Variants in PDIA5 observed in about 807,000 individuals in gnomAD.
The protein encoded by PDIA5 is protein disulfide isomerase family A member 5.
In PDIA5, 58 loss-of-function variants were observed where a neutral mutation model predicts 77.6. The observed-to-expected ratio is 0.75, with a 90% confidence interval of 0.61 to 0.93. The LOEUF (loss-of-function observed/expected upper bound fraction) is 0.93, where lower values mean the gene tolerates loss of function less well. PDIA5 is among the 40% of genes least tolerant of loss of function. The pLI, the probability that PDIA5 is intolerant of heterozygous loss-of-function variation, is 0.00. For synonymous variants in PDIA5, 250 were observed against 252.1 expected, an observed-to-expected ratio of 0.99 and a Z score of 0.08; for missense variants, 630 against 647.7, an observed-to-expected ratio of 0.97 and a Z score of 0.30.
At chr3:123,073,147 G>A (rs1933768536) in intron 1 of PDIA5, among the ~76,000 whole-genome samples, 1 of 152,224 alleles carries the variant, frequency 6.6e-6, no homozygotes, top group African/African-American at 2.4e-5. Context: ...AGTTTGCAAA[G>A]CATTTCCACG....
chr3:123,160,110 C>T (rs79335569), intron 15 of PDIA5, among the ~76,000 whole-genome samples: 528 of 152,308 alleles, frequency 3.5e-3, no homozygotes, highest in African/African-American at 0.012. Context: ...TCAAGGTCGA[C>T]GTTGTCCCCC....
At chr3:123,133,832 ACT>A (rs1935427283) in intron 11 of PDIA5, among the ~76,000 whole-genome samples, 1 of 152,170 alleles carries the variant, frequency 6.6e-6, no homozygotes, top group South Asian at 2.1e-4. Flanking sequence ...ATTTTTTATG[ACT>A]CTATGCTAAT....
rs1028309962 is a variant in PDIA5 at position 123,140,640 on chromosome 3, G to T, written c.911-4882G>T. Among the ~76,000 whole-genome samples, 9 of 152,200 alleles carry T rather than the reference G, an allele frequency of 5.9e-5. No homozygotes were observed. In the South Asian group the frequency reaches 6.2e-4, roughly 11 times the overall value. ...CTGGGAGGAAGAGGTGGCAGGTGGT[G>T]ATGGCCCTGGGGGATTTGTCACTTC... On this transcript the variant is annotated intron_variant, in intron 11 of 16. Coordinates refer to ENST00000316218, the MANE Select transcript of PDIA5 (RefSeq NM_006810.4).
intron 11 of PDIA5, among the ~76,000 whole-genome samples, chr3:123,144,028 G>C (rs550485642): frequency 6.6e-6 from 1 of 152,158 alleles, no homozygotes; most frequent in African/African-American, 2.4e-5. Context: ...AGCTGAGGAA[G>C]CCAGGTACAG....
chr3:123,150,648 G>GTC lies in PDIA5; in HGVS notation c.1273+284_1273+285insTC, dbSNP rs1935871614. Among the ~76,000 whole-genome samples the GTC allele has an allele frequency of 5.9e-5, 9 of 151,966 alleles. No individual in the cohort carries two copies. In the South Asian group the frequency reaches 1.9e-3, roughly 32 times the overall value. On this transcript the variant is annotated intron_variant, in intron 14 of 16. Transcript: ENST00000316218. ...TGTGCTCGTCCCCTCTTGTCCCTGG[G>GTC]CTCCTCCATGCCCCTGTCCCCTACC...
At chr3:123,071,395 G>A (rs1473132754) in intron 1 of PDIA5, among the ~76,000 whole-genome samples, 1 of 152,166 alleles carries the variant, frequency 6.6e-6, no homozygotes, top group Non-Finnish European at 1.5e-5. Context: ...GACAGTGGGT[G>A]GAGGTGCAGG....
At chr3:123,081,470 C>G (rs1302903974) in intron 1 of PDIA5, among the ~76,000 whole-genome samples, 1 of 152,182 alleles carries the variant, frequency 6.6e-6, no homozygotes, top group Admixed American at 6.5e-5. Flanking sequence ...TCCTCTTTTC[C>G]CTGAGTCCCT....
chr3:123,122,479 G>T (rs1935142352), intron 8 of PDIA5, among the ~76,000 whole-genome samples: 2 of 152,136 alleles, frequency 1.3e-5, no homozygotes, highest in South Asian at 2.1e-4. Flanking sequence ...AGCATTTATT[G>T]TGTCCTTGCT....
chr3:123,152,258 G>A (rs1935932097), intron 14 of PDIA5, among the ~76,000 whole-genome samples: 1 of 152,182 alleles, frequency 6.6e-6, no homozygotes, highest in Admixed American at 6.5e-5. Flanking sequence ...CAGGGTACAA[G>A]GGAGGGAGAC....
chr3:123,068,647 C>A (rs1421737876), intron 1 of PDIA5, among the ~76,000 whole-genome samples: 1 of 152,160 alleles, frequency 6.6e-6, no homozygotes, highest in Non-Finnish European at 1.5e-5. Flanking sequence ...AAACAAACGG[C>A]TTGAGAATCT....
chr3:123,119,294 G>A (rs1033751689), intron 8 of PDIA5, among the ~76,000 whole-genome samples: 2 of 152,030 alleles, frequency 1.3e-5, no homozygotes, highest in Non-Finnish European at 2.9e-5. Flanking sequence ...CTGGGCCCAG[G>A]TCTAGAAATA....
At chr3:123,093,387 C>T (rs946764843) in intron 3 of PDIA5, among the ~76,000 whole-genome samples, 6 of 152,118 alleles carry the variant, frequency 3.9e-5, no homozygotes, top group African/African-American at 7.2e-5. Context: ...CATAGTTGGT[C>T]CAAAAGTGTG....
intron 15 of PDIA5, among the ~76,000 whole-genome samples, chr3:123,155,609 G>A (rs965309148): frequency 4.6e-5 from 7 of 152,228 alleles, no homozygotes; most frequent in Non-Finnish European, 1.0e-4. Flanking sequence ...AGGGCTTGTG[G>A]GGCAGGGAAA....
rs963931780 is a variant in PDIA5 at position 123,146,217 on chromosome 3, C to T, written c.1100C>T (p.Pro367Leu). 6.2e-7 allele frequency: 1 copy of T among 1,613,984 alleles called. No homozygotes were observed. Among genetic ancestry groups the T allele is most frequent in the African/African-American group, 1.3e-5 (1 of 74,930 alleles). Reference sequence around the variant, plus strand: ...AAGAATGGAGAGAAATACGCAGTGCCTGTGCTCAGGACAAAGAAGAAGTTT... The same window carrying T: ...AAGAATGGAGAGAAATACGCAGTGCTTGTGCTCAGGACAAAGAAGAAGTTT... The part of the protein sequence containing the change: ...YFKNGEKYAV[P>L]VLRTKKKFLE... The change falls in exon 13 of 17, where the codon CCT (proline) becomes CTT (leucine). Residue 367 changes from proline to leucine, a missense_variant. By Grantham distance (98) the Pro-to-Leu change is moderately conservative. Coordinates refer to ENST00000316218, the MANE Select transcript of PDIA5 (RefSeq NM_006810.4).
intron 6 of PDIA5, among the ~76,000 whole-genome samples, chr3:123,109,600 C>T (rs1934816585): frequency 6.6e-6 from 1 of 151,778 alleles, no homozygotes; most frequent in South Asian, 2.1e-4. Flanking sequence ...TGGATATCCA[C>T]AAAAATTTAA....
chr3:123,151,208 C>G (rs1295700728), intron 14 of PDIA5, among the ~76,000 whole-genome samples: 1 of 152,168 alleles, frequency 6.6e-6, no homozygotes, highest in African/African-American at 2.4e-5. Context: ...CTTGAGGCAG[C>G]CTCCCTGCCC....
intron 1 of PDIA5, among the ~76,000 whole-genome samples, chr3:123,072,104 C>T (rs1933738816): frequency 1.3e-5 from 2 of 151,686 alleles, no homozygotes; most frequent in South Asian, 4.2e-4. Context: ...ATCAATCAGG[C>T]CGCATGTAGG....
chr3:123,145,329 T>C, intron 11 of PDIA5, 193 bp from the exon 12 acceptor site: 3 of 569,614 alleles, frequency 5.3e-6, no homozygotes, highest in Non-Finnish European at 9.3e-6. Context: ...TTTTTGTGTC[T>C]GGGGTACCTT....
chr3:123,068,247 G>T (rs1348822370), intron 1 of PDIA5, among the ~76,000 whole-genome samples: 2 of 152,148 alleles, frequency 1.3e-5, no homozygotes, highest in African/African-American at 4.8e-5. Flanking sequence ...TTCCATTTGG[G>T]TGTGGCAAGG....
Sources: allele counts gnomAD v4.1 joint callset (sites outside exome capture counted in the v4.1 genomes callset), GRCh38; gene constraint gnomAD v4.1.1; transcripts MANE v1.5; gene names NCBI Gene and HGNC (gene_info 2026-07-23, HGNC 2026-07-21).